Variants in LINC00237 observed in about 807,000 individuals in gnomAD.
LINC00237 encodes the protein long intergenic non-protein coding RNA 237.
intron 1 of LINC00237, among the ~76,000 whole-genome samples, chr20:21,100,056 G>T (rs1000699737): frequency 2.0e-5 from 3 of 152,152 alleles, no homozygotes; most frequent in African/African-American, 7.2e-5. Flanking sequence ...TACCCCGCCC[G>T]CAGTGAAAGC....
intron 2 of LINC00237, among the ~76,000 whole-genome samples, chr20:21,091,783 A>G (rs767625505): frequency 3.9e-5 from 6 of 152,218 alleles, no homozygotes; most frequent in East Asian, 1.9e-4. Context: ...TCTTGGAAGC[A>G]TATATCCTTG....
At chr20:21,104,130 A>C (rs962558462) in intron 1 of LINC00237, among the ~76,000 whole-genome samples, 1 of 152,182 alleles carries the variant, frequency 6.6e-6, no homozygotes, top group African/African-American at 2.4e-5. Flanking sequence ...CCAGGCGCAC[A>C]CTATTAATGC....
chr20:21,086,568 CATATATAGTGTATATA>C (rs2030697885), intron 3 of LINC00237, among the ~76,000 whole-genome samples: 2 of 93,506 alleles, frequency 2.1e-5, no homozygotes, highest in Admixed American at 2.4e-4. Flanking sequence ...ATATATAGTA[CATATATAGTGTATATA>C]TAGTATACAC....
chr20:21,086,690 C>CT (rs1568883498), intron 3 of LINC00237, among the ~76,000 whole-genome samples: 122 of 4,454 alleles, frequency 0.027, 3 homozygotes, highest in African/African-American at 0.087. Flanking sequence ...ACTACATATA[C>CT]ATATGTAGTA....
At chr20:21,104,209 C>A (rs2030968612) in intron 1 of LINC00237, among the ~76,000 whole-genome samples, 1 of 152,162 alleles carries the variant, frequency 6.6e-6, no homozygotes. Flanking sequence ...CTCCTTGGGC[C>A]CAGCCACTAT....
rs140525389 is a variant in LINC00237, at chr20:21,097,877, T to C, written n.89-4025A>G. On this transcript the variant is annotated intron_variant and non_coding_transcript_variant, in intron 1 of 3. Transcript: ENST00000691244. ...TCCAAACTCATCAACTTTAATGGTA[T>C]CCAGACGGCTTTTCTGGAGAGGGCT... 1.3e-3 allele frequency among the ~76,000 whole-genome samples: 198 copies of C among 152,318 alleles called. 1 individual carries two copies. The East Asian group carries it at 0.021, about 16-fold the overall frequency.
chr20:21,103,655 C>T (rs1217463310), intron 1 of LINC00237, among the ~76,000 whole-genome samples: 2 of 152,134 alleles, frequency 1.3e-5, no homozygotes, highest in East Asian at 3.9e-4. Flanking sequence ...GATGGTGTTT[C>T]CCATTATACC....
intron 1 of LINC00237, among the ~76,000 whole-genome samples, chr20:21,094,745 C>T (rs994737737): frequency 2.1e-4 from 32 of 151,904 alleles, no homozygotes; most frequent in South Asian, 4.2e-4. Flanking sequence ...ATGGCCAGAT[C>T]CTGTCTGTTA....
At chr20:21,105,179 C>A (rs992481575) in intron 1 of LINC00237, among the ~76,000 whole-genome samples, 2 of 152,214 alleles carry the variant, frequency 1.3e-5, no homozygotes, top group African/African-American at 4.8e-5. Context: ...CATTTCCCAG[C>A]TGAAAATCCA....
At chr20:21,093,390 T>G (rs982222659) in intron 2 of LINC00237, 3 of 152,178 alleles carry the variant, frequency 2.0e-5, no homozygotes, top group African/African-American at 7.2e-5. Flanking sequence ...TTGTCAATCT[T>G]TGGCTCTTAT....
chr20:21,090,415 G>C (rs1465021121), intron 2 of LINC00237: 2 of 152,212 alleles, frequency 1.3e-5, no homozygotes, highest in African/African-American at 4.8e-5. Flanking sequence ...TGCAGTGCTT[G>C]AAACTGTTTA....
At chr20:21,086,820 T>C (rs1420691190) in intron 3 of LINC00237, among the ~76,000 whole-genome samples, 30 of 124,810 alleles carry the variant, frequency 2.4e-4, no homozygotes, top group African/African-American at 8.2e-4. Flanking sequence ...ATAGTATACA[T>C]ATATAGTGTA....
At chr20:21,094,533 T>C (rs2030831215) in intron 1 of LINC00237, among the ~76,000 whole-genome samples, 3 of 152,062 alleles carry the variant, frequency 2.0e-5, no homozygotes, top group African/African-American at 4.8e-5. Context: ...CTACATGAAA[T>C]AGGATAAGAG....
chr20:21,096,421 A>G (rs539857110), intron 1 of LINC00237, among the ~76,000 whole-genome samples: 1 of 152,256 alleles, frequency 6.6e-6, no homozygotes, highest in Non-Finnish European at 1.5e-5. Flanking sequence ...CATCACTTCT[A>G]CTTGCATGCC....
chr20:21,097,432 A>T (rs6047245), intron 1 of LINC00237, among the ~76,000 whole-genome samples: 24,581 of 152,088 alleles, frequency 0.16, 4,110 homozygotes, highest in African/African-American at 0.41. Flanking sequence ...AAAATTTGTT[A>T]AATGGCTCTG....
intron 1 of LINC00237, among the ~76,000 whole-genome samples, chr20:21,104,745 A>C (rs1443716003): frequency 5.3e-5 from 8 of 152,244 alleles, no homozygotes; most frequent in Non-Finnish European, 1.2e-4. Context: ...TGAGCCTCCT[A>C]GAACCAATTT....
intron 2 of LINC00237, chr20:21,090,009 A>G (rs1397877727): frequency 6.6e-6 from 1 of 152,258 alleles, no homozygotes; most frequent in Non-Finnish European, 1.5e-5. Context: ...GTTTTTATGT[A>G]GACGTCTGAA....
chr20:21,104,598 G>T (rs2030973861), intron 1 of LINC00237, among the ~76,000 whole-genome samples: 1 of 152,330 alleles, frequency 6.6e-6, no homozygotes, highest in East Asian at 1.9e-4. Flanking sequence ...GGGCAGCTTC[G>T]GAGCACTTCT....
At chr20:21,088,429 C>T (rs901813857) in intron 2 of LINC00237, among the ~76,000 whole-genome samples, 5 of 152,136 alleles carry the variant, frequency 3.3e-5, no homozygotes, top group East Asian at 1.9e-4. Context: ...TCCACACAAA[C>T]GCTATACTAT....
Sources: gnomAD v4.1 joint callset for allele counts (sites outside exome capture counted in the v4.1 genomes callset) on GRCh38, gnomAD v4.1.1 for gene constraint, MANE v1.5 for transcripts, NCBI Gene and HGNC (gene_info 2026-07-23, HGNC 2026-07-21) for gene names.